The following ENPP2 variants were observed in gnomAD, a reference collection of about 807,000 sequenced individuals.
ENPP2 encodes the protein ectonucleotide pyrophosphatase/phosphodiesterase 2.
In ENPP2, 51 loss-of-function variants were observed where a neutral mutation model predicts 120.2. The observed-to-expected ratio is 0.42, with a 90% CI of 0.34 to 0.54. The LOEUF (loss-of-function observed/expected upper bound fraction) is 0.54. Among genes scored for constraint, ENPP2 ranks in the 20% least tolerant of loss-of-function variants. The probability of loss-of-function intolerance (pLI) is 0.04; values close to 1 mark genes in which losing one functional copy is unlikely to be tolerated. For synonymous variants in ENPP2, 365 were observed against 366.4 expected, an observed-to-expected ratio of 1.00 and a Z score of 0.04; for missense variants, 920 against 1,066.5, an observed-to-expected ratio of 0.86 and a Z score of 1.91.
chr8:119,635,410 G>A (rs1488252334), intron 2 of ENPP2, among the ~76,000 whole-genome samples: 10 of 152,152 alleles, frequency 6.6e-5, no homozygotes, highest in Non-Finnish European at 1.5e-4. Flanking sequence ...TATCAAAGAG[G>A]ATATTCTATT....
chr8:119,668,035 A>G (rs545170486), intron 1 of ENPP2, among the ~76,000 whole-genome samples: 1 of 152,064 alleles, frequency 6.6e-6, no homozygotes, highest in Non-Finnish European at 1.5e-5. Context: ...CTCAATTTAG[A>G]CATCACTTCC....
At chr8:119,595,480 T>C (rs1469416573) in intron 11 of ENPP2, among the ~76,000 whole-genome samples, 1 of 152,214 alleles carries the variant, frequency 6.6e-6, no homozygotes, top group East Asian at 1.9e-4. Flanking sequence ...ATCCACATTG[T>C]CTTTGAGAAT....
chr8:119,648,018 A>G (rs1251939099), intron 1 of ENPP2, among the ~76,000 whole-genome samples: 1 of 152,148 alleles, frequency 6.6e-6, no homozygotes, highest in Admixed American at 6.5e-5. Context: ...AAAAAAGAAA[A>G]GTTTGGATTC....
chr8:119,644,625 T>TATATATATATATACAC (rs1327738777), intron 1 of ENPP2, among the ~76,000 whole-genome samples: 3 of 74,286 alleles, frequency 4.0e-5, no homozygotes, highest in African/African-American at 9.9e-5. Context: ...TATATATATA[T>TATATATATATATACAC]ACACACACAC....
chr8:119,653,128 C>T (rs1817671726), intron 1 of ENPP2, among the ~76,000 whole-genome samples: 1 of 152,274 alleles, frequency 6.6e-6, no homozygotes, highest in East Asian at 1.9e-4. Context: ...ATTGTGTTCA[C>T]CTCTGGATAG....
intron 23 of ENPP2, among the ~76,000 whole-genome samples, chr8:119,563,376 CATT>C (rs1378241129): frequency 6.6e-6 from 1 of 152,038 alleles, no homozygotes; most frequent in Non-Finnish European, 1.5e-5. Flanking sequence ...TGGACTGGGG[CATT>C]ATTATTTAGG....
chr8:119,558,383 C>T (rs937139213), intron 24 of ENPP2, among the ~76,000 whole-genome samples: 3 of 152,082 alleles, frequency 2.0e-5, no homozygotes, highest in African/African-American at 4.8e-5. Flanking sequence ...ATAATGCTTA[C>T]TTCTGCAGCT....
At position 119,621,432 on chromosome 8, in the gene ENPP2, C is replaced by G; in HGVS notation, c.380G>C (p.Arg127Thr). 2.5e-6 allele frequency: 4 copies of G among 1,613,600 alleles called. No individual in the cohort carries two copies. Among genetic ancestry groups the G allele is most frequent in the Non-Finnish European group, 3.4e-6 (4 of 1,179,644 alleles). The stretch of plus-strand genomic sequence containing the variant: ...TTGGTAATTGGTACAGCAGTCTCCC[C>G]TGGCCAAGCAGTCCTCTGAGCAGTG... The part of the protein sequence containing the change: ...ACHCSEDCLA[R>T]GDCCTNYQVV... Residue 127 changes from arginine to threonine, a missense_variant, in exon 4 of 25, where the codon AGG becomes ACG. Arg to Thr is a moderately conservative substitution (Grantham distance 71). Coordinates refer to ENST00000075322, the MANE Select transcript of ENPP2 (RefSeq NM_001040092.3).
intron 22 of ENPP2, 118 bp from the exon 23 acceptor site, chr8:119,565,073 G>C (rs1379982128): frequency 1.3e-6 from 1 of 787,200 alleles, no homozygotes; most frequent in African/African-American, 1.8e-5. Flanking sequence ...AGACAAGAGA[G>C]CTGTCGTGAT....
chr8:119,670,897 T>C (rs1818223378), intron 1 of ENPP2, among the ~76,000 whole-genome samples: 1 of 152,168 alleles, frequency 6.6e-6, no homozygotes, highest in African/African-American at 2.4e-5. Flanking sequence ...GGACAATGTG[T>C]ATCCACCAAA....
chr8:119,603,358 T>C (rs537174783), intron 9 of ENPP2, among the ~76,000 whole-genome samples: 2 of 152,286 alleles, frequency 1.3e-5, no homozygotes, highest in East Asian at 1.9e-4. Flanking sequence ...TCAATACTAA[T>C]GGAAAAATAC....
chr8:119,569,336 C>T lies in ENPP2; in HGVS notation c.1952G>A (p.Ser651Asn). 6.2e-7 allele frequency: 1 copy of T among 1,614,090 alleles called. No individual in the cohort carries two copies. The highest frequency in any genetic ancestry group is 1.1e-5 in the South Asian group (1 of 91,084). ...AACACGGACATCAGGCCGGACGCAACTGGTCAGATGGTCAGGAACGCTGGA... is the reference window on the plus strand; with the variant it reads ...AACACGGACATCAGGCCGGACGCAATTGGTCAGATGGTCAGGAACGCTGGA... ...EVSSVPDHLT[S>N]CVRPDVRVSP... The change falls in exon 21 of 25, where the codon AGT (serine) becomes AAT (asparagine). Residue 651 changes from serine to asparagine, a missense_variant. Coordinates refer to ENST00000075322, the MANE Select transcript of ENPP2 (RefSeq NM_001040092.3).
chr8:119,635,447 C>T (rs1446421636), intron 2 of ENPP2, among the ~76,000 whole-genome samples: 1 of 152,200 alleles, frequency 6.6e-6, no homozygotes, highest in African/African-American at 2.4e-5. Flanking sequence ...TTCTAAATCA[C>T]AAGTTTCAAT....
intron 19 of ENPP2, among the ~76,000 whole-genome samples, chr8:119,575,043 T>A (rs1812234762): frequency 1.3e-5 from 2 of 152,224 alleles, no homozygotes; most frequent in Admixed American, 1.3e-4. Context: ...ACAATGCCCA[T>A]CACATAATAT....
At chr8:119,595,043 CTAACGG>C (rs2130490296) in intron 11 of ENPP2, among the ~76,000 whole-genome samples, 1 of 152,352 alleles carries the variant, frequency 6.6e-6, no homozygotes, top group East Asian at 1.9e-4. Flanking sequence ...TCGGAAGGGA[CTAACGG>C]GTGTGGAACA....
chr8:119,617,709 G>T (rs1288703327), intron 5 of ENPP2, 146 bp from the exon 6 acceptor site: 2 of 620,022 alleles, frequency 3.2e-6, no homozygotes, highest in Non-Finnish European at 5.7e-6. Flanking sequence ...AGCACTTTGG[G>T]AGTCCGAGGC....
At chr8:119,587,460 A>G (rs890624581) in intron 13 of ENPP2, among the ~76,000 whole-genome samples, 1 of 152,200 alleles carries the variant, frequency 6.6e-6, no homozygotes, top group Non-Finnish European at 1.5e-5. Context: ...GGGGCTTTTA[A>G]TGTAACTTCT....
intron 2 of ENPP2, among the ~76,000 whole-genome samples, chr8:119,632,047 A>C (rs902464651): frequency 1.3e-5 from 2 of 152,146 alleles, no homozygotes; most frequent in Admixed American, 1.3e-4. Context: ...ATGCATTTGA[A>C]GTTTTTAGGA....
chr8:119,649,115 CG>C (rs1313419094), intron 1 of ENPP2, among the ~76,000 whole-genome samples: 1 of 151,692 alleles, frequency 6.6e-6, no homozygotes, highest in African/African-American at 2.4e-5. Flanking sequence ...CATTTATGGC[CG>C]GGCACGGTGG....
Sources: gnomAD v4.1 joint callset for allele counts (sites outside exome capture counted in the v4.1 genomes callset) on GRCh38, gnomAD v4.1.1 for gene constraint, MANE v1.5 for transcripts, NCBI Gene and HGNC (gene_info 2026-07-23, HGNC 2026-07-21) for gene names.